C10orf67: variants seen among roughly 807,000 people sequenced by gnomAD.
C10orf67 encodes the protein chromosome 10 open reading frame 67.
In C10orf67, 60 loss-of-function variants were observed where a neutral mutation model predicts 35.6. The ratio of observed to expected loss-of-function variants is 1.68; its 90% confidence interval spans 1.37 to 2.09. The LOEUF (loss-of-function observed/expected upper bound fraction) is 2.09. Among genes scored for constraint, C10orf67 ranks in the 30% most tolerant of loss-of-function variants. The pLI, the probability that C10orf67 is intolerant of heterozygous loss-of-function variation, is 0.00. For missense variants in C10orf67, 474 were observed against 330.2 expected (o/e 1.44, Z -3.38); for synonymous variants, 167 against 115.8 (o/e 1.44, Z -2.84).
intron 5 of C10orf67, among the ~76,000 whole-genome samples, chr10:23,301,825 G>C (rs984119841): frequency 2.0e-5 from 3 of 152,244 alleles, no homozygotes; most frequent in African/African-American, 7.2e-5. Flanking sequence ...GGCCATGGAA[G>C]AGAACCGTGG....
chr10:23,274,904 A>G (rs1843140741), intron 8 of C10orf67, among the ~76,000 whole-genome samples: 1 of 152,192 alleles, frequency 6.6e-6, no homozygotes, highest in African/African-American at 2.4e-5. Flanking sequence ...AGAAATTATA[A>G]AAGTATTAAT....
chr10:23,282,725 G>A (rs943846642), intron 7 of C10orf67, among the ~76,000 whole-genome samples: 3 of 151,796 alleles, frequency 2.0e-5, no homozygotes, highest in Non-Finnish European at 2.9e-5. Flanking sequence ...AAGCTACTTC[G>A]GAGGCTGAAG....
chr10:23,272,005 TC>T, intron 8 of C10orf67, among the ~76,000 whole-genome samples: 1 of 152,250 alleles, frequency 6.6e-6, no homozygotes, highest in Admixed American at 6.5e-5. Flanking sequence ...AGCCTTGACC[TC>T]CCTGGATTCA....
intron 1 of C10orf67, among the ~76,000 whole-genome samples, chr10:23,339,390 G>GA (rs1252450095): frequency 1.1e-4 from 4 of 36,630 alleles, no homozygotes; most frequent in Admixed American, 6.5e-4. Context: ...AAGATTAATG[G>GA]AAAAAAGGCA....
At chr10:23,288,283 G>T (rs543240372) in intron 7 of C10orf67, among the ~76,000 whole-genome samples, 2 of 152,306 alleles carry the variant, frequency 1.3e-5, no homozygotes, top group South Asian at 4.1e-4. Context: ...GGAATACTAT[G>T]CAGCCATAAA....
At chr10:23,274,323 G>A (rs928838149) in intron 8 of C10orf67, among the ~76,000 whole-genome samples, 4 of 152,138 alleles carry the variant, frequency 2.6e-5, no homozygotes, top group Non-Finnish European at 4.4e-5. Context: ...TTACCAGGCT[G>A]GAATTTCCCA....
intron 13 of C10orf67, among the ~76,000 whole-genome samples, chr10:23,228,077 T>G (rs1252144512): frequency 6.6e-6 from 1 of 152,024 alleles, no homozygotes; most frequent in African/African-American, 2.4e-5. Context: ...TTCACAAAAC[T>G]GGAAAAAACT....
At chr10:23,327,535 A>T (rs559676343) in intron 2 of C10orf67, among the ~76,000 whole-genome samples, 5 of 152,326 alleles carry the variant, frequency 3.3e-5, no homozygotes, top group African/African-American at 4.8e-5. Flanking sequence ...CAGATTTTTT[A>T]AAATTTCCTG....
intron 4 of C10orf67, among the ~76,000 whole-genome samples, chr10:23,309,910 C>A (rs554488052): frequency 3.3e-5 from 5 of 152,318 alleles, no homozygotes; most frequent in African/African-American, 1.2e-4. Flanking sequence ...TCAGCTGAAG[C>A]AATTGTTTGA....
At chr10:23,253,925 G>T (rs1467034832) in intron 10 of C10orf67, among the ~76,000 whole-genome samples, 2 of 151,884 alleles carry the variant, frequency 1.3e-5, no homozygotes, top group African/African-American at 4.8e-5. Context: ...TCTCCAGTTC[G>T]AGTTGAACTT....
chr10:23,254,131 GTAAT>G (rs1489669092), intron 10 of C10orf67, among the ~76,000 whole-genome samples: 2 of 152,146 alleles, frequency 1.3e-5, no homozygotes, highest in Non-Finnish European at 2.9e-5. Context: ...TAAAATAAAA[GTAAT>G]TAACTTCCTA....
At chr10:23,235,575 T>A (rs937397246) in intron 13 of C10orf67, among the ~76,000 whole-genome samples, 1 of 152,200 alleles carries the variant, frequency 6.6e-6, no homozygotes, top group South Asian at 2.1e-4. Flanking sequence ...AAAAGAGTTG[T>A]GGAATTTGGT....
chr10:23,333,717 TGA>T (rs1257669494), intron 1 of C10orf67, among the ~76,000 whole-genome samples: 1 of 152,232 alleles, frequency 6.6e-6, no homozygotes, highest in Non-Finnish European at 1.5e-5. Context: ...GAAGCAGCTA[TGA>T]GAATTCAGCT....
chr10:23,218,122 G>A (rs1396357392), intron 15 of C10orf67, among the ~76,000 whole-genome samples: 1 of 152,024 alleles, frequency 6.6e-6, no homozygotes, highest in African/African-American at 2.4e-5. Flanking sequence ...GAAAAATTGA[G>A]AGACAGGCTG....
At chr10:23,217,395 G>T (rs915072055) in intron 15 of C10orf67, among the ~76,000 whole-genome samples, 4 of 152,150 alleles carry the variant, frequency 2.6e-5, no homozygotes, top group African/African-American at 9.6e-5. Context: ...GTAAGCCCAT[G>T]GATTTGCATG....
At chr10:23,232,033 A>G (rs919664060) in intron 13 of C10orf67, among the ~76,000 whole-genome samples, 2 of 152,214 alleles carry the variant, frequency 1.3e-5, no homozygotes, top group Non-Finnish European at 2.9e-5. Context: ...AATTAGAGCA[A>G]TAGTTCCCTC....
chr10:23,298,025 G>A (rs576660245), intron 5 of C10orf67, among the ~76,000 whole-genome samples: 2 of 152,250 alleles, frequency 1.3e-5, no homozygotes, highest in South Asian at 2.1e-4. Context: ...GGAAGCTGAG[G>A]TGGGCGGATC....
chr10:23,266,689 C>A (rs1348867377), intron 9 of C10orf67, among the ~76,000 whole-genome samples: 1 of 151,964 alleles, frequency 6.6e-6, no homozygotes, highest in Non-Finnish European at 1.5e-5. Context: ...CTTTGGAAGC[C>A]CCTGGAATGG....
intron 15 of C10orf67, among the ~76,000 whole-genome samples, chr10:23,215,113 T>C (rs528181286): frequency 8.5e-4 from 130 of 152,258 alleles, no homozygotes; most frequent in African/African-American, 3.0e-3. Flanking sequence ...TTTATTTCAA[T>C]GTATCTGAAA....
Sources: gnomAD v4.1 joint callset for allele counts (sites outside exome capture counted in the v4.1 genomes callset) on GRCh38, gnomAD v4.1.1 for gene constraint, MANE v1.5 for transcripts, NCBI Gene and HGNC (gene_info 2026-07-23, HGNC 2026-07-21) for gene names.